The following GALNTL6 variants were observed in gnomAD, a reference collection of about 807,000 sequenced individuals.
GALNTL6 encodes the protein polypeptide N-acetylgalactosaminyltransferase like 6.
Under a neutral mutation model 73.7 loss-of-function variants are expected in GALNTL6, and 46 were observed. The observed-to-expected ratio is 0.62, with a 90% CI of 0.49 to 0.80. The LOEUF (loss-of-function observed/expected upper bound fraction) is 0.80. Ranked by LOEUF, GALNTL6 falls within the 30% of genes least tolerant of loss-of-function variation. GALNTL6 has a pLI of 0.00. For missense variants in GALNTL6, 604 were observed against 755.0 expected (o/e 0.80, Z 2.34); for synonymous variants, 259 against 263.7 (o/e 0.98, Z 0.17).
At chr4:172,930,713 G>A (rs1264575307) in intron 8 of GALNTL6, among the ~76,000 whole-genome samples, 1 of 152,100 alleles carries the variant, frequency 6.6e-6, no homozygotes, top group Non-Finnish European at 1.5e-5. Flanking sequence ...ACAGGGTCTC[G>A]CTCTGTTCCC....
At chr4:171,860,073 C>G (rs1022420218) in intron 2 of GALNTL6, among the ~76,000 whole-genome samples, 1 of 152,138 alleles carries the variant, frequency 6.6e-6, no homozygotes, top group African/African-American at 2.4e-5. Flanking sequence ...ACTGAGTTAA[C>G]CTTTTACTGT....
At chr4:171,833,327 T>C (rs1350865506) in intron 2 of GALNTL6, among the ~76,000 whole-genome samples, 1 of 151,744 alleles carries the variant, frequency 6.6e-6, no homozygotes, top group Non-Finnish European at 1.5e-5. Context: ...GAATGCATTC[T>C]TGGTTTTTAA....
intron 7 of GALNTL6, among the ~76,000 whole-genome samples, chr4:172,855,692 A>G (rs561672459): frequency 6.6e-6 from 1 of 152,298 alleles, no homozygotes; most frequent in South Asian, 2.1e-4. Context: ...ACTGGATTCT[A>G]TCACTGGCCA....
intron 2 of GALNTL6, among the ~76,000 whole-genome samples, chr4:172,142,031 A>C (rs1203275259): frequency 6.6e-6 from 1 of 152,028 alleles, no homozygotes; most frequent in East Asian, 1.9e-4. Context: ...TTTTAGTTCT[A>C]GTGGCACACT....
intron 10 of GALNTL6, among the ~76,000 whole-genome samples, chr4:172,980,552 G>C (rs1008999526): frequency 6.6e-6 from 1 of 152,144 alleles, no homozygotes; most frequent in Admixed American, 6.5e-5. Context: ...GGTCAGGTCA[G>C]GTTCTCGCGA....
At chr4:171,946,240 G>A (rs943767502) in intron 2 of GALNTL6, among the ~76,000 whole-genome samples, 2 of 152,218 alleles carry the variant, frequency 1.3e-5, no homozygotes, top group South Asian at 2.1e-4. Flanking sequence ...AAATCAAAAT[G>A]TCAGAGTCAC....
intron 9 of GALNTL6, among the ~76,000 whole-genome samples, chr4:172,941,870 C>T (rs1029938307): frequency 2.0e-5 from 3 of 152,226 alleles, no homozygotes; most frequent in African/African-American, 7.2e-5. Context: ...GGTAGGGACT[C>T]ATTTCATGGA....
chr4:172,332,738 A>T (rs1022417363), intron 4 of GALNTL6, among the ~76,000 whole-genome samples: 3 of 152,124 alleles, frequency 2.0e-5, no homozygotes, highest in African/African-American at 7.2e-5. Flanking sequence ...TATATTTGCT[A>T]TTGTAAATAG....
At chr4:172,830,263 C>T (rs1039263642) in intron 7 of GALNTL6, among the ~76,000 whole-genome samples, 4 of 152,032 alleles carry the variant, frequency 2.6e-5, no homozygotes, top group African/African-American at 4.8e-5. Flanking sequence ...AAAATATATG[C>T]GAATGGCTGA....
chr4:172,472,269 T>C (rs1458298471), intron 5 of GALNTL6, among the ~76,000 whole-genome samples: 1 of 152,204 alleles, frequency 6.6e-6, no homozygotes, highest in African/African-American at 2.4e-5. Flanking sequence ...ATTATTATTA[T>C]CTCCATTTTG....
chr4:171,827,761 C>A (rs978500823), intron 2 of GALNTL6, among the ~76,000 whole-genome samples: 1 of 152,112 alleles, frequency 6.6e-6, no homozygotes, highest in South Asian at 2.1e-4. Context: ...TCACTGTCTT[C>A]GGTACCTTCA....
chr4:172,463,453 T>C (rs1423755795), intron 5 of GALNTL6, among the ~76,000 whole-genome samples: 2 of 152,082 alleles, frequency 1.3e-5, no homozygotes, highest in East Asian at 3.9e-4. Flanking sequence ...CCAGAAAAAG[T>C]GAAATACGCT....
In GALNTL6 at chr4:173,039,981, C is replaced by A. The variant is rs1753839741; in HGVS notation, c.1687C>A (p.Pro563Thr). 1 of 1,613,772 alleles carries A rather than the reference C, an allele frequency of 6.2e-7. No homozygotes were observed. Among genetic ancestry groups the A allele is most frequent in the African/African-American group, 1.3e-5 (1 of 74,900 alleles). ...PVSNSCMDCNPAEKKIFMARC... is the reference protein window; with the variant it reads ...PVSNSCMDCNTAEKKIFMARC... ...GAGCAACAGCTGCATGGATTGCAAC[C>A]CCGCAGAGAAGAAGATTTTCATGGC... Residue 563 changes from proline to threonine, a missense_variant, in exon 13 of 13, where the codon CCC becomes ACC. Pro to Thr is a conservative substitution (Grantham distance 38, BLOSUM62 -1). Around this residue, in one of 5 missense-constraint regions of GALNTL6, gnomAD observed 261 missense variants for 296.5 expected, o/e 0.88. Transcript: ENST00000506823.
rs185764241 is a variant in GALNTL6, at chr4:171,988,213, C to G, written c.138+173495C>G. 2.3e-3 allele frequency among the ~76,000 whole-genome samples: 345 copies of G among 152,220 alleles called. 1 individual carries two copies. Among genetic ancestry groups the G allele is most frequent in the Non-Finnish European group, 4.3e-3 (291 of 68,002 alleles). On this transcript the variant is annotated intron_variant, in intron 2 of 12. Coordinates refer to ENST00000506823, the MANE Select transcript of GALNTL6 (RefSeq NM_001034845.3). ...CCTGGCTCTTGTGTAAGAATTCTGA[C>G]CGCACTAAGCATGCCTAGGAAGGAA...
chr4:172,336,578 T>C (rs1451535369), intron 4 of GALNTL6, among the ~76,000 whole-genome samples: 13 of 152,032 alleles, frequency 8.6e-5, no homozygotes, highest in Admixed American at 8.5e-4. Context: ...CCAGCCTAGA[T>C]TTCTATTTTT....
intron 10 of GALNTL6, among the ~76,000 whole-genome samples, chr4:172,987,609 C>G (rs1183906560): frequency 1.3e-5 from 2 of 152,168 alleles, no homozygotes; most frequent in Non-Finnish European, 1.5e-5. Context: ...TGTCCCCACC[C>G]TAATCTCATG....
intron 9 of GALNTL6, among the ~76,000 whole-genome samples, chr4:172,951,419 C>T (rs1430157052): frequency 6.6e-6 from 1 of 152,254 alleles, no homozygotes; most frequent in Admixed American, 6.5e-5. Flanking sequence ...TCCTTCACCC[C>T]AGGGACACAT....
intron 2 of GALNTL6, among the ~76,000 whole-genome samples, chr4:172,216,694 A>C (rs927862670): frequency 6.6e-6 from 1 of 152,198 alleles, no homozygotes; most frequent in Admixed American, 6.5e-5. Flanking sequence ...ATCAACAAAA[A>C]GAGTCAAACA....
At chr4:172,378,040 A>G (rs565499112) in intron 5 of GALNTL6, among the ~76,000 whole-genome samples, 2 of 152,226 alleles carry the variant, frequency 1.3e-5, no homozygotes, top group South Asian at 4.1e-4. Flanking sequence ...GTGGATGCTG[A>G]GGCCGCTAAG....
Sources: allele counts gnomAD v4.1 joint callset (sites outside exome capture counted in the v4.1 genomes callset), GRCh38; gene constraint gnomAD v4.1.1; regional missense constraint gnomAD v4.1.1; transcripts MANE v1.5; gene names NCBI Gene and HGNC (gene_info 2026-07-23, HGNC 2026-07-21).